The following PELP1 variants were observed in gnomAD, a reference collection of about 807,000 sequenced individuals.
The protein encoded by PELP1 is proline, glutamate and leucine rich protein 1.
Under a neutral mutation model 95.5 loss-of-function variants are expected in PELP1, and 32 were observed. The ratio of observed to expected loss-of-function variants is 0.34; its 90% CI spans 0.25 to 0.45. PELP1 has a LOEUF of 0.45. Among genes scored for constraint, PELP1 ranks in the 20% least tolerant of loss-of-function variants. The pLI is 1.00. For missense variants in PELP1, 1,358 were observed against 1,444.8 expected (o/e 0.94, Z 0.97); for synonymous variants, 668 against 600.1 (o/e 1.11, Z -1.65).
At chr17:4,690,068 T>C (rs1913043476) in intron 3 of PELP1, among the ~76,000 whole-genome samples, 1 of 151,962 alleles carries the variant, frequency 6.6e-6, no homozygotes, top group East Asian at 1.9e-4. Context: ...ATGTGGTGTA[T>C]ATATACCATG....
rs1913648231 is a variant in PELP1, at chr17:4,703,809, A to C, written c.249+54T>G. 3.4e-6 allele frequency: 5 copies of C among 1,483,910 alleles called. 1 individual carries two copies. The East Asian group carries it at 9.5e-5, about 28-fold the overall frequency. The allele number at this position is 1,483,910 out of a possible 1,614,324, so 91.9% of individuals were successfully genotyped here. On this transcript the variant is annotated intron_variant, in intron 1 of 16. Coordinates refer to ENST00000572293, the MANE Select transcript of PELP1 (RefSeq NM_014389.3). ...GCACTGCACCGTAATCCCGGCGCACAGGTGCCGCGCCATCCTCCCCACAGG... is the reference window on the plus strand; with the variant it reads ...GCACTGCACCGTAATCCCGGCGCACCGGTGCCGCGCCATCCTCCCCACAGG...
chr17:4,698,114 C>T (rs1913366390), intron 1 of PELP1, among the ~76,000 whole-genome samples: 1 of 150,966 alleles, frequency 6.6e-6, no homozygotes, highest in Admixed American at 6.6e-5. Flanking sequence ...CACTAAGCCT[C>T]TGAATCTCAT....
chr17:4,676,837 A>G (rs372883215), intron 5 of PELP1, 25 bp from the exon 6 acceptor site: 1 of 1,542,016 alleles, frequency 6.5e-7, no homozygotes, highest in African/African-American at 1.4e-5. Context: ...AAAAAGGAAG[A>G]GGCCAGTGAG....
intron 1 of PELP1, among the ~76,000 whole-genome samples, chr17:4,695,071 C>A (rs1913243710): frequency 6.6e-6 from 1 of 151,812 alleles, no homozygotes; most frequent in South Asian, 2.1e-4. Flanking sequence ...GCCTGTAATT[C>A]CAGCACTTTG....
At chr17:4,698,003 G>T (rs1035847838) in intron 1 of PELP1, among the ~76,000 whole-genome samples, 1 of 148,574 alleles carries the variant, frequency 6.7e-6, no homozygotes, top group Non-Finnish European at 1.5e-5. Flanking sequence ...CATCATTTCT[G>T]CAAGGTTTTT....
rs1280898515 is a variant in PELP1 at position 4,676,021 on chromosome 17, A to G, written c.980+15T>C. 2 of 1,613,462 alleles carry G rather than the reference A, an allele frequency of 1.2e-6. No homozygotes were observed. The highest frequency in any genetic ancestry group is 3.3e-5 in the Admixed American group (2 of 59,984). ...CCTGCTCCACGCCTCCGCTCCCTCCAATACCCACACACACCTGAGCATGAG... is the reference window on the plus strand; with the variant it reads ...CCTGCTCCACGCCTCCGCTCCCTCCGATACCCACACACACCTGAGCATGAG... On this transcript the variant is annotated intron_variant, in intron 8 of 16. Transcript: ENST00000572293.
In PELP1 at chr17:4,673,625, A is replaced by G. The variant is rs1912332921; in HGVS notation, c.1632T>C (p.Thr544=). 1 of 1,613,674 alleles carries G rather than the reference A, an allele frequency of 6.2e-7. No homozygotes were observed. Among genetic ancestry groups the G allele is most frequent in the Non-Finnish European group, 8.5e-7 (1 of 1,179,692 alleles). ...GAGACGAGGCTCCACTAACCCTGTG[A>G]GTCTCCTCCTTGATGAGAGGCCCAC... The part of the protein sequence containing the change: ...LMCGPLIKEE[T]HRRLHDLVLP... The change falls in exon 14 of 17, where the codon ACT becomes ACC. Residue 544 remains threonine, a synonymous_variant. Coordinates refer to ENST00000572293, the MANE Select transcript of PELP1 (RefSeq NM_014389.3). The surrounding 1 kb of genome is among the most constrained non-coding windows in gnomAD (Gnocchi z 5.7).
rs768800721 is a variant in PELP1, at chr17:4,672,024, A to G, written c.2967T>C (p.Pro989=). The G allele has an allele frequency of 3.8e-6, 6 of 1,572,604 alleles. No individual in the cohort carries two copies. Among genetic ancestry groups the G allele is most frequent in the Non-Finnish European group, 5.2e-6 (6 of 1,161,018 alleles). Residue 989 remains proline (P), a synonymous_variant, in exon 16 of 17, where the codon CCT becomes CCC. Coordinates refer to ENST00000572293, the MANE Select transcript of PELP1 (RefSeq NM_014389.3). ...PPTLPPALPP[P]ESPPKVQPEP... ...CTGGCTGCACCTTTGGGGGAGACTC[A>G]GGGGGAGGCAGAGCTGGAGGCAGGG...
Position 4,672,233 on chromosome 17 carries a change from ATTCCTCTTCATCCTC to A in PELP1, c.2743_2757del (p.Glu915_Glu919del), listed in dbSNP as rs1308060413. Reference sequence around the variant, plus strand: ...TCCTCCTCTTCTTCCTCTTCAAAATATTCCTCTTCATCCTCTTCCTCTTCCTCAAAGTCTTCCTCC... The same window carrying A: ...TCCTCCTCTTCTTCCTCTTCAAAATATTCCTCTTCCTCAAAGTCTTCCTCC... On this transcript the variant is annotated inframe_deletion, in exon 16 of 17. Transcript: ENST00000572293. The A allele has an allele frequency of 1.3e-6, 2 of 1,551,442 alleles. No homozygotes were observed. The highest frequency in any genetic ancestry group is 1.7e-6 in the Non-Finnish European group (2 of 1,147,244).
intron 3 of PELP1, among the ~76,000 whole-genome samples, chr17:4,686,641 C>T (rs765086497): frequency 2.6e-5 from 4 of 152,172 alleles, no homozygotes; most frequent in Non-Finnish European, 4.4e-5. Flanking sequence ...CCTCAGCCTC[C>T]CAAGTAGCTG....
In PELP1 at chr17:4,683,232, T is replaced by C. The variant is rs1282442035; in HGVS notation, c.421-280A>G. 77 of 318,358 alleles carry C rather than the reference T, an allele frequency of 2.4e-4. 3 individuals carry two copies. The highest frequency in any genetic ancestry group is 3.0e-4 in the Non-Finnish European group (62 of 206,626). The allele number at this position is 318,358 out of a possible 1,614,324, so 19.7% of individuals were successfully genotyped here. A position where few individuals can be genotyped will look rare whatever the true frequency, so the allele number is the denominator to read the frequency against. On this transcript the variant is annotated intron_variant, in intron 3 of 16. Coordinates refer to ENST00000572293, the MANE Select transcript of PELP1 (RefSeq NM_014389.3). ...AACTGAAGAGTTTTCTTTTTTTTTT[T>C]TTTTTTGAGACGGAGTCTTGCTCTG... is the stretch of plus-strand genomic sequence containing the variant.
chr17:4,701,015 A>G (rs1025390103), intron 1 of PELP1, among the ~76,000 whole-genome samples: 5 of 131,194 alleles, frequency 3.8e-5, no homozygotes, highest in South Asian at 2.5e-4. Context: ...AAAAAAAAAA[A>G]GCCAAGCTAT....
At chr17:4,689,908 C>G (rs1414540120) in intron 3 of PELP1, among the ~76,000 whole-genome samples, 1 of 152,124 alleles carries the variant, frequency 6.6e-6, no homozygotes, top group Non-Finnish European at 1.5e-5. Flanking sequence ...CGCTTGTAAT[C>G]CCAGCTACTC....
chr17:4,676,537 G>T, intron 6 of PELP1, 30 bp from the exon 7 acceptor site: 1 of 1,611,384 alleles, frequency 6.2e-7, no homozygotes, highest in Non-Finnish European at 8.5e-7. Context: ...AACCTGGTCA[G>T]ATGGGAATCC....
intron 3 of PELP1, among the ~76,000 whole-genome samples, chr17:4,689,379 TA>T (rs1913014659): frequency 6.6e-6 from 1 of 151,874 alleles, no homozygotes; most frequent in Non-Finnish European, 1.5e-5. Context: ...AAATAATCAG[TA>T]AACAACCCAC....
chr17:4,699,736 G>T (rs556483936), intron 1 of PELP1, among the ~76,000 whole-genome samples: 17 of 150,782 alleles, frequency 1.1e-4, no homozygotes, highest in Non-Finnish European at 2.1e-4. Flanking sequence ...ACAGGCATGC[G>T]TCACCACGCC....
At chr17:4,692,920 G>A (rs928241797) in intron 1 of PELP1, among the ~76,000 whole-genome samples, 3 of 152,102 alleles carry the variant, frequency 2.0e-5, no homozygotes, top group Non-Finnish European at 4.4e-5. Context: ...TGAGGCAGGA[G>A]ACTCGCTTGA....
chr17:4,675,595 C>T lies in PELP1; in HGVS notation c.1068+202G>A, dbSNP rs1354818006. 4.2e-6 allele frequency: 3 copies of T among 709,332 alleles called. No homozygotes were observed. Among genetic ancestry groups the T allele is most frequent in the South Asian group, 1.5e-5 (1 of 66,796 alleles). The allele number at this position is 709,332 out of a possible 1,614,324, so 43.9% of individuals were successfully genotyped here. On this transcript the variant is annotated intron_variant, in intron 9 of 16. Transcript: ENST00000572293. This position sits in a 1 kb window ranked among gnomAD's most constrained non-coding sequence, Gnocchi z 4.3. ...CTCAGCTGATCCCCAAATTCACCCT[C>T]CCCCAAGGAAGCATTTGCTACACTC...
chr17:4,678,555 G>A (rs1315183429), intron 5 of PELP1, among the ~76,000 whole-genome samples: 2 of 152,176 alleles, frequency 1.3e-5, no homozygotes, highest in Admixed American at 6.5e-5. Context: ...GAAGCGACAC[G>A]GCTCTAACCA....
Sources: gnomAD v4.1 joint callset for allele counts (sites outside exome capture counted in the v4.1 genomes callset) on GRCh38, gnomAD v4.1.1 for gene constraint, Gnocchi (gnomAD v3.1) non-coding constraint, MANE v1.5 for transcripts, NCBI Gene and HGNC (gene_info 2026-07-23, HGNC 2026-07-21) for gene names.